CCDC171: variants seen among roughly 807,000 people sequenced by gnomAD.
CCDC171 encodes the protein coiled-coil domain containing 171.
Under a neutral mutation model 168.2 loss-of-function variants are expected in CCDC171, and 177 were observed. The ratio of observed to expected loss-of-function variants is 1.05; its 90% CI spans 0.93 to 1.19. The LOEUF is 1.19. Among genes scored for constraint, CCDC171 ranks in the 50% most tolerant of loss-of-function variants. The probability of loss-of-function intolerance (pLI) is 0.00; values close to 1 mark genes in which losing one functional copy is unlikely to be tolerated. For synonymous variants in CCDC171, 687 were observed against 540.8 expected (o/e 1.27, Z -3.75); for missense variants, 1,991 against 1,539.0 (o/e 1.29, Z -4.91).
chr9:15,827,554 G>T (rs186137100), intron 21 of CCDC171, among the ~76,000 whole-genome samples: 30 of 152,196 alleles, frequency 2.0e-4, no homozygotes, highest in Middle Eastern at 3.4e-3. Flanking sequence ...GTTTATTTTC[G>T]TAGAAATCTT....
At chr9:15,814,431 A>T (rs889263777) in intron 21 of CCDC171, among the ~76,000 whole-genome samples, 2 of 152,198 alleles carry the variant, frequency 1.3e-5, no homozygotes, top group Non-Finnish European at 2.9e-5. Flanking sequence ...AGGAAATGAT[A>T]GTAATTTGTG....
intron 4 of CCDC171, among the ~76,000 whole-genome samples, chr9:15,579,997 A>G (rs1048831635): frequency 6.6e-6 from 1 of 152,182 alleles, no homozygotes; most frequent in Non-Finnish European, 1.5e-5. Context: ...TCCTGGTTCT[A>G]CATGGTACTG....
chr9:15,737,807 A>G (rs2054595176), intron 16 of CCDC171, among the ~76,000 whole-genome samples: 2 of 152,174 alleles, frequency 1.3e-5, no homozygotes, highest in African/African-American at 4.8e-5. Context: ...TGAAGACTAG[A>G]TAATAGGATT....
At chr9:15,867,185 T>G (rs1391211073) in intron 23 of CCDC171, among the ~76,000 whole-genome samples, 1 of 151,994 alleles carries the variant, frequency 6.6e-6, no homozygotes, top group Non-Finnish European at 1.5e-5. Context: ...TAGAGTGGAT[T>G]GTGGAATGGA....
At chr9:15,968,413 A>G (rs1236580517) in intron 25 of CCDC171, among the ~76,000 whole-genome samples, 5 of 152,198 alleles carry the variant, frequency 3.3e-5, no homozygotes, top group Non-Finnish European at 5.9e-5. Context: ...ACATTAAAAT[A>G]GTACAAAAGT....
chr9:15,905,540 T>C (rs1822442929), intron 24 of CCDC171, among the ~76,000 whole-genome samples: 1 of 152,052 alleles, frequency 6.6e-6, no homozygotes, highest in African/African-American at 2.4e-5. Context: ...GAGGGAAGTT[T>C]ATAGCATTAA....
rs368486244 is a variant in CCDC171 at position 15,726,800 on chromosome 9, A to G, written c.1693-1069A>G. ...TCTTTTTAAGTTTGTCTCTTTTAAA[A>G]GTTTTCTTCCTGCTGATCTATTAAA... On this transcript the variant is annotated intron_variant, in intron 14 of 25. Coordinates refer to ENST00000380701, the MANE Select transcript of CCDC171 (RefSeq NM_173550.4). Among the ~76,000 whole-genome samples, 30 of 152,180 alleles carry G rather than the reference A, an allele frequency of 2.0e-4. No individual in the cohort carries two copies. The East Asian group carries it at 3.1e-3, about 16-fold the overall frequency.
At chr9:15,971,362 C>G (rs1831337894) in intron 25 of CCDC171, among the ~76,000 whole-genome samples, 2 of 152,120 alleles carry the variant, frequency 1.3e-5, no homozygotes, top group African/African-American at 2.4e-5. Context: ...AAGTTTTACA[C>G]AAAGATTTAG....
chr9:15,893,884 A>G (rs958697677), intron 24 of CCDC171, among the ~76,000 whole-genome samples: 2 of 152,190 alleles, frequency 1.3e-5, no homozygotes, highest in Non-Finnish European at 2.9e-5. Context: ...TCAAAGACCT[A>G]GAGGCAGAAA....
At position 15,892,199 on chromosome 9, in the gene CCDC171, C is replaced by G. The variant is rs148175315; in HGVS notation, c.3600+17536C>G. 8.9e-4 allele frequency among the ~76,000 whole-genome samples: 136 copies of G among 152,246 alleles called. 1 individual carries two copies. Among genetic ancestry groups the G allele is most frequent in the African/African-American group, 2.6e-3 (106 of 41,554 alleles). On this transcript the variant is annotated intron_variant, in intron 24 of 25. Coordinates refer to ENST00000380701, the MANE Select transcript of CCDC171 (RefSeq NM_173550.4). ...CTATTTGAATAGCCTTTATTTCTTTCTCTTGCCTGATTGCCTTAGCCAGAA... is the reference window on the plus strand; with the variant it reads ...CTATTTGAATAGCCTTTATTTCTTTGTCTTGCCTGATTGCCTTAGCCAGAA...
intron 25 of CCDC171, among the ~76,000 whole-genome samples, chr9:15,935,709 G>C (rs1827030071): frequency 6.6e-6 from 1 of 152,066 alleles, no homozygotes; most frequent in Non-Finnish European, 1.5e-5. Flanking sequence ...TTTGTAAGGA[G>C]TATTTCCTTT....
In CCDC171 at chr9:15,834,200, A is replaced by G. The variant is rs185229766; in HGVS notation, c.3268-12502A>G. ...CAATGGTTTTGTTTCAGAAATATTT[A>G]ATTTAATTGTCATCAATCATAGTAA... On this transcript the variant is annotated intron_variant, in intron 21 of 25. Coordinates refer to ENST00000380701, the MANE Select transcript of CCDC171 (RefSeq NM_173550.4). Among the ~76,000 whole-genome samples, 103 of 152,274 alleles carry G rather than the reference A, an allele frequency of 6.8e-4. 1 individual carries two copies. The highest frequency in any genetic ancestry group is 1.1e-3 in the Admixed American group (17 of 15,302).
intron 25 of CCDC171, among the ~76,000 whole-genome samples, chr9:15,928,530 A>G (rs1165511370): frequency 5.9e-5 from 9 of 151,724 alleles, no homozygotes; most frequent in Non-Finnish European, 4.4e-5. Context: ...TGACAACTAC[A>G]TTACAAAATA....
chr9:15,942,206 A>G (rs935869524), intron 25 of CCDC171, among the ~76,000 whole-genome samples: 1 of 151,978 alleles, frequency 6.6e-6, no homozygotes, highest in Non-Finnish European at 1.5e-5. Context: ...CCTAGATGTC[A>G]CTACGATACC....
Position 15,564,933 on chromosome 9 carries a change from G to A in CCDC171, c.41+804G>A, listed in dbSNP as rs533706043. On this transcript the variant is annotated intron_variant, in intron 2 of 25. Transcript: ENST00000380701. ...ATTTTACAAAATCATCATGGATGGGGTGAAGATAGTCCTTCCTCATATTTA... is the reference window on the plus strand; with the variant it reads ...ATTTTACAAAATCATCATGGATGGGATGAAGATAGTCCTTCCTCATATTTA... Among the ~76,000 whole-genome samples the A allele has an allele frequency of 5.9e-5, 9 of 152,194 alleles. No individual in the cohort carries two copies. The South Asian group carries it at 1.7e-3, about 28-fold the overall frequency.
intron 2 of CCDC171, among the ~76,000 whole-genome samples, chr9:15,565,540 A>G (rs1027172171): frequency 2.6e-5 from 4 of 152,190 alleles, no homozygotes; most frequent in African/African-American, 9.6e-5. Flanking sequence ...GGATACAGTT[A>G]TTTAAAATCT....
At chr9:15,602,632 CTTTTTTTTTTTTTTCTTTTTTTTTTT>C (rs1359332550) in intron 6 of CCDC171, among the ~76,000 whole-genome samples, 6 of 31,002 alleles carry the variant, frequency 1.9e-4, no homozygotes, top group South Asian at 1.3e-3. Flanking sequence ...TTTCTCATTT[CTTTTTTTTTTTTTTCTTTTTTTTTTT>C]TTTTTTTTTT....
intron 23 of CCDC171, among the ~76,000 whole-genome samples, chr9:15,849,807 A>C (rs2061050728): frequency 6.6e-6 from 1 of 151,724 alleles, no homozygotes; most frequent in South Asian, 2.1e-4. Context: ...AAATACCCTA[A>C]AACTAACCTT....
At chr9:15,830,259 A>G (rs2060175022) in intron 21 of CCDC171, among the ~76,000 whole-genome samples, 1 of 152,338 alleles carries the variant, frequency 6.6e-6, no homozygotes, top group South Asian at 2.1e-4. Flanking sequence ...GAAGTAAGAC[A>G]TGAAAGACTC....
Sources: gnomAD v4.1 joint callset for allele counts (sites outside exome capture counted in the v4.1 genomes callset) on GRCh38, gnomAD v4.1.1 for gene constraint, MANE v1.5 for transcripts, NCBI Gene and HGNC (gene_info 2026-07-23, HGNC 2026-07-21) for gene names.